Variants in CCDC85A observed in about 807,000 individuals in gnomAD.
CCDC85A encodes the protein coiled-coil domain containing 85A, also known as coiled-coil domain-containing protein 85A.
Under a neutral mutation model 50.2 loss-of-function variants are expected in CCDC85A, and 38 were observed. The observed-to-expected ratio is 0.76, with a 90% CI of 0.58 to 0.99. CCDC85A has a LOEUF of 0.99. CCDC85A is among the 50% of genes least tolerant of loss of function. CCDC85A has a pLI of 0.00. For missense variants in CCDC85A, 820 were observed against 742.0 expected (o/e 1.11, Z -1.22); for synonymous variants, 366 against 301.4 (o/e 1.21, Z -2.22).
chr2:56,252,051 A>ATT (rs764719557), intron 2 of CCDC85A, among the ~76,000 whole-genome samples: 6 of 126,368 alleles, frequency 4.7e-5, no homozygotes, highest in African/African-American at 1.4e-4. Context: ...ATCATCAACT[A>ATT]TTTTTTTTTT....
chr2:56,243,347 G>T (rs376208058), intron 2 of CCDC85A, among the ~76,000 whole-genome samples: 90 of 150,888 alleles, frequency 6.0e-4, no homozygotes, highest in East Asian at 5.8e-3. Flanking sequence ...TTTCTCTTCC[G>T]TGTGTTTTCA....
At chr2:56,248,972 A>G (rs773176757) in intron 2 of CCDC85A, among the ~76,000 whole-genome samples, 11 of 152,334 alleles carry the variant, frequency 7.2e-5, no homozygotes, top group Non-Finnish European at 1.5e-4. Context: ...GCAAGAACAG[A>G]TGGGGTTCTA....
chr2:56,312,805 T>C (rs1045391550), intron 2 of CCDC85A, among the ~76,000 whole-genome samples: 4 of 152,192 alleles, frequency 2.6e-5, no homozygotes, highest in African/African-American at 4.8e-5. Context: ...GCACCTATTA[T>C]GTACTAAGTA....
At chr2:56,186,595 C>T (rs1316771393) in intron 1 of CCDC85A, among the ~76,000 whole-genome samples, 1 of 152,120 alleles carries the variant, frequency 6.6e-6, no homozygotes, top group African/African-American at 2.4e-5. Context: ...TGAGTTTCTT[C>T]CATGGTCTGA....
In CCDC85A at chr2:56,385,186, T is replaced by A. The variant is rs912259999; in HGVS notation, c.*831T>A. ...AAACAACAAACATAATTTTTCTAAG[T>A]GTTTCGAGCTGTGAGATGTCAATTT... On this transcript the variant is annotated 3_prime_UTR_variant, in exon 6 of 6. Transcript: ENST00000407595. The A allele has an allele frequency of 6.6e-6, 1 of 152,272 alleles. No homozygotes were observed. The highest frequency in any genetic ancestry group is 1.5e-5 in the Non-Finnish European group (1 of 67,852). The allele number at this position is 152,272 out of a possible 1,614,324, so 9.4% of individuals were successfully genotyped here.
At position 56,251,888 on chromosome 2, in the gene CCDC85A, C is replaced by T. The variant is rs183386178; in HGVS notation, c.1240+58448C>T. Among the ~76,000 whole-genome samples, 536 of 151,672 alleles carry T rather than the reference C, an allele frequency of 3.5e-3. 4 individuals carry two copies. The highest frequency in any genetic ancestry group is 0.012 in the African/African-American group (507 of 41,340). ...AGAAGGTGGCTGATTTCTTTTTTTT[C>T]CTTTGTGTTTATTTTATTTTATTAT... On this transcript the variant is annotated intron_variant, in intron 2 of 5. Coordinates refer to ENST00000407595, the MANE Select transcript of CCDC85A (RefSeq NM_001080433.2).
In CCDC85A at chr2:56,193,409, C is replaced by G; in HGVS notation, c.1209C>G (p.Pro403=). 1 of 1,609,594 alleles carries G rather than the reference C, an allele frequency of 6.2e-7. No individual in the cohort carries two copies. Among genetic ancestry groups the G allele is most frequent in the Non-Finnish European group, 8.5e-7 (1 of 1,178,060 alleles). Residue 403 remains proline, a synonymous_variant, in exon 2 of 6, where the codon CCC becomes CCG. Transcript: ENST00000407595. ...LRRQAQEDGS[P]HHRNVYSGMN... is the part of the protein sequence containing the mutation. ...GGCAGGCACAGGAGGACGGGTCACC[C>G]CATCACCGGAATGTCTACAGTGGCA...
intron 2 of CCDC85A, among the ~76,000 whole-genome samples, chr2:56,238,336 G>A (rs748082309): frequency 6.6e-6 from 1 of 151,042 alleles, no homozygotes; most frequent in Non-Finnish European, 1.5e-5. Flanking sequence ...AGAATCACTT[G>A]AACCCGGCAG....
At chr2:56,303,216 GT>G (rs1200033643) in intron 2 of CCDC85A, among the ~76,000 whole-genome samples, 1 of 152,128 alleles carries the variant, frequency 6.6e-6, no homozygotes, top group Non-Finnish European at 1.5e-5. Context: ...GAGGCCTGGG[GT>G]TATGTCTCTT....
chr2:56,306,116 G>T, intron 2 of CCDC85A, among the ~76,000 whole-genome samples: 1 of 151,994 alleles, frequency 6.6e-6, no homozygotes, highest in Non-Finnish European at 1.5e-5. Flanking sequence ...TAAGTTTTGC[G>T]AAACTTCCAG....
chr2:56,273,021 C>T (rs1445017633), intron 2 of CCDC85A, among the ~76,000 whole-genome samples: 2 of 152,072 alleles, frequency 1.3e-5, no homozygotes, highest in Non-Finnish European at 2.9e-5. Context: ...GATGATGTTA[C>T]ATTTGTGGAA....
At chr2:56,241,575 A>T (rs1389478361) in intron 2 of CCDC85A, among the ~76,000 whole-genome samples, 1 of 152,094 alleles carries the variant, frequency 6.6e-6, no homozygotes, top group Non-Finnish European at 1.5e-5. Context: ...AATAAGTGAG[A>T]ATGTGCAGTT....
intron 2 of CCDC85A, among the ~76,000 whole-genome samples, chr2:56,199,707 C>G (rs1676656225): frequency 6.6e-6 from 1 of 152,176 alleles, no homozygotes; most frequent in Non-Finnish European, 1.5e-5. Flanking sequence ...TCTGCTGTTC[C>G]CAATGGCTGG....
intron 2 of CCDC85A, among the ~76,000 whole-genome samples, chr2:56,219,033 TA>T (rs1668204977): frequency 6.6e-6 from 1 of 151,498 alleles, no homozygotes; most frequent in Non-Finnish European, 1.5e-5. Flanking sequence ...GCTCTTCCTC[TA>T]TTTTTTTTGA....
chr2:56,271,416 C>G (rs1348704308), intron 2 of CCDC85A, among the ~76,000 whole-genome samples: 2 of 152,146 alleles, frequency 1.3e-5, no homozygotes, highest in Non-Finnish European at 2.9e-5. Flanking sequence ...AGCAGGAGAA[C>G]TAACTGGAGG....
intron 2 of CCDC85A, among the ~76,000 whole-genome samples, chr2:56,215,325 C>T (rs750163658): frequency 6.6e-6 from 1 of 151,872 alleles, no homozygotes; most frequent in Non-Finnish European, 1.5e-5. Flanking sequence ...TAGGTAGTCA[C>T]AGCATCTGCC....
chr2:56,203,738 C>A (rs1257359075), intron 2 of CCDC85A, among the ~76,000 whole-genome samples: 4 of 152,124 alleles, frequency 2.6e-5, no homozygotes, highest in Non-Finnish European at 5.9e-5. Flanking sequence ...CATGTGGCAT[C>A]TAAGCTTTAT....
chr2:56,380,536 G>A (rs1057310295), intron 5 of CCDC85A, among the ~76,000 whole-genome samples: 28 of 151,246 alleles, frequency 1.9e-4, no homozygotes, highest in African/African-American at 5.1e-4. Context: ...CTCCAGCCTG[G>A]GCAACAGAAT....
chr2:56,369,715 C>T (rs1466126811), intron 3 of CCDC85A, among the ~76,000 whole-genome samples: 2 of 152,058 alleles, frequency 1.3e-5, no homozygotes, highest in Non-Finnish European at 2.9e-5. Context: ...GTCTGAAGTT[C>T]GCTGAGATGC....
Sources: gnomAD v4.1 joint callset for allele counts (sites outside exome capture counted in the v4.1 genomes callset) on GRCh38, gnomAD v4.1.1 for gene constraint, MANE v1.5 for transcripts, NCBI Gene and HGNC (gene_info 2026-07-23, HGNC 2026-07-21) for gene names.